COL23A1: variants seen among roughly 807,000 people sequenced by gnomAD.
COL23A1 encodes the protein collagen alpha-1(XXIII) chain.
COL23A1 carries 97 observed loss-of-function variants against 99.3 expected under a neutral mutation model. The ratio of observed to expected loss-of-function variants is 0.98; its 90% CI spans 0.83 to 1.16. COL23A1 has a LOEUF of 1.16. Among genes scored for constraint, COL23A1 ranks in the 50% most tolerant of loss-of-function variants. The pLI, the probability that COL23A1 is intolerant of heterozygous loss-of-function variation, is 0.00. For missense variants in COL23A1, 762 were observed against 757.4 expected, an observed-to-expected ratio of 1.01 and a Z score of -0.07; for synonymous variants, 320 against 308.2, an observed-to-expected ratio of 1.04 and a Z score of -0.40.
rs183167719 is a variant in COL23A1 at position 178,400,927 on chromosome 5, C to T, written c.362-94008G>A. On this transcript the variant is annotated intron_variant, in intron 2 of 28. Transcript: ENST00000390654. ...TGCTGGGATTACAGGCATGAGCCAC[C>T]GTGCCCGGCTATCTCCAGAACTTTT... 8.5e-4 allele frequency among the ~76,000 whole-genome samples: 130 copies of T among 152,320 alleles called. 1 individual carries two copies. Among genetic ancestry groups the T allele is most frequent in the African/African-American group, 3.0e-3 (125 of 41,568 alleles).
chr5:178,239,441 C>T (rs1377731429), intron 27 of COL23A1, among the ~76,000 whole-genome samples: 1 of 152,166 alleles, frequency 6.6e-6, no homozygotes, highest in Non-Finnish European at 1.5e-5. Flanking sequence ...GTGCAGTGGG[C>T]AGGAACAGGA....
chr5:178,541,568 C>CT (rs1315267726), intron 2 of COL23A1, among the ~76,000 whole-genome samples: 1 of 152,170 alleles, frequency 6.6e-6, no homozygotes, highest in Non-Finnish European at 1.5e-5. Context: ...GAGTGAGACT[C>CT]TGTCTCAGAA....
intron 2 of COL23A1, among the ~76,000 whole-genome samples, chr5:178,512,279 T>C (rs1405089771): frequency 2.0e-5 from 3 of 152,240 alleles, no homozygotes; most frequent in Admixed American, 2.0e-4. Context: ...TCATGGAACG[T>C]TGGGATATCT....
At chr5:178,477,615 G>C (rs1757101675) in intron 2 of COL23A1, among the ~76,000 whole-genome samples, 1 of 152,158 alleles carries the variant, frequency 6.6e-6, no homozygotes, top group African/African-American at 2.4e-5. Flanking sequence ...TGCCTAATCA[G>C]GAAGCAAAAA....
chr5:178,346,094 G>A (rs1760954073), intron 2 of COL23A1, among the ~76,000 whole-genome samples: 1 of 151,636 alleles, frequency 6.6e-6, no homozygotes, highest in Non-Finnish European at 1.5e-5. Context: ...GTATATTACT[G>A]ACCATTCTAG....
At chr5:178,258,428 A>C (rs1581468656) in intron 12 of COL23A1, among the ~76,000 whole-genome samples, 2 of 120,504 alleles carry the variant, frequency 1.7e-5, no homozygotes, top group African/African-American at 3.2e-5. Context: ...GGTGAGTCTC[A>C]CTCTGTCGCC....
At chr5:178,257,064 G>T (rs1765344961) in intron 13 of COL23A1, 136 bp from the exon 14 acceptor site, 2 of 754,084 alleles carry the variant, frequency 2.7e-6, no homozygotes, top group East Asian at 2.7e-5. Context: ...TCCATGGGGG[G>T]TGTGGGCGGA....
chr5:178,553,707 G>A (rs924001891), intron 2 of COL23A1, among the ~76,000 whole-genome samples: 3 of 152,164 alleles, frequency 2.0e-5, no homozygotes, highest in African/African-American at 7.2e-5. Context: ...GGCTGATGAG[G>A]GTTCACGGCC....
chr5:178,551,277 CAA>C (rs1178788364), intron 2 of COL23A1, among the ~76,000 whole-genome samples: 1 of 150,664 alleles, frequency 6.6e-6, no homozygotes, highest in Non-Finnish European at 1.5e-5. Context: ...CTAGTGGTCA[CAA>C]GAACATCTCC....
chr5:178,353,268 C>T (rs554125146), intron 2 of COL23A1, among the ~76,000 whole-genome samples: 1 of 148,994 alleles, frequency 6.7e-6, no homozygotes, highest in East Asian at 2.0e-4. Context: ...AAAAAAAAAG[C>T]TATAAATTTC....
intron 2 of COL23A1, among the ~76,000 whole-genome samples, chr5:178,492,921 A>G (rs1758007283): frequency 6.6e-6 from 1 of 152,168 alleles, no homozygotes; most frequent in South Asian, 2.1e-4. Flanking sequence ...GGGTAATGAC[A>G]GCACTTACCT....
At chr5:178,440,277 C>A (rs1766790598) in intron 2 of COL23A1, among the ~76,000 whole-genome samples, 1 of 152,164 alleles carries the variant, frequency 6.6e-6, no homozygotes, top group Non-Finnish European at 1.5e-5. Context: ...TTTCCGGGAC[C>A]AACTCCCCAG....
chr5:178,328,249 C>T (rs1048233804), intron 2 of COL23A1, among the ~76,000 whole-genome samples: 9 of 152,194 alleles, frequency 5.9e-5, no homozygotes, highest in African/African-American at 2.2e-4. Flanking sequence ...CCTCATCCCC[C>T]CTGTCCCTGT....
intron 2 of COL23A1, among the ~76,000 whole-genome samples, chr5:178,535,201 G>C (rs368280838): frequency 6.6e-6 from 1 of 151,836 alleles, no homozygotes; most frequent in Non-Finnish European, 1.5e-5. Context: ...CTCAAACTCC[G>C]GACCTCAAGT....
intron 2 of COL23A1, among the ~76,000 whole-genome samples, chr5:178,513,872 AT>A (rs34400872): frequency 0.83 from 125,468 of 151,422 alleles, 52,026 homozygotes; most frequent in East Asian, 0.95. Context: ...TTAAAAAATT[AT>A]TTTTTTTAAT....
chr5:178,488,124 T>C (rs1265233556), intron 2 of COL23A1, among the ~76,000 whole-genome samples: 2 of 152,214 alleles, frequency 1.3e-5, no homozygotes, highest in South Asian at 2.1e-4. Flanking sequence ...CGGGGAGCTA[T>C]TGTTCTCACT....
chr5:178,242,666 T>G (rs1764471329), intron 25 of COL23A1, among the ~76,000 whole-genome samples: 1 of 152,198 alleles, frequency 6.6e-6, no homozygotes, highest in African/African-American at 2.4e-5. Context: ...GGGCTGTCTC[T>G]CACATCACAG....
chr5:178,370,017 G>A (rs1027247731), intron 2 of COL23A1, among the ~76,000 whole-genome samples: 1 of 152,204 alleles, frequency 6.6e-6, no homozygotes, highest in African/African-American at 2.4e-5. Context: ...ACCACTGAGG[G>A]CACATGCAGA....
Position 178,247,554 on chromosome 5 carries a change from T to C in COL23A1, c.1270-2A>G. On this transcript the variant is annotated splice_acceptor_variant, in intron 21 of 28. Coordinates refer to ENST00000390654, the MANE Select transcript of COL23A1 (RefSeq NM_173465.4). LOFTEE classifies it high-confidence loss of function. Reference sequence around the variant, plus strand: ...GGGACCCTGGATTCCCTGGAGGCCCTGCAGGAGGAGGAAGCAGATAAGAAG... The same window carrying C: ...GGGACCCTGGATTCCCTGGAGGCCCCGCAGGAGGAGGAAGCAGATAAGAAG... The C allele has an allele frequency of 6.2e-7, 1 of 1,614,012 alleles. No homozygotes were observed. The highest frequency in any genetic ancestry group is 8.5e-7 in the Non-Finnish European group (1 of 1,179,892).
Sources: allele counts gnomAD v4.1 joint callset (sites outside exome capture counted in the v4.1 genomes callset), GRCh38; gene constraint gnomAD v4.1.1; transcripts MANE v1.5; gene names NCBI Gene and HGNC (gene_info 2026-07-23, HGNC 2026-07-21).